Variants in VEZT observed in about 807,000 individuals in gnomAD.
The protein encoded by VEZT is vezatin.
In VEZT, 39 loss-of-function variants were observed where a neutral mutation model predicts 79.9. The ratio of observed to expected loss-of-function variants is 0.49; its 90% confidence interval spans 0.38 to 0.64. The LOEUF (loss-of-function observed/expected upper bound fraction) is 0.64. Among genes scored for constraint, VEZT ranks in the 30% least tolerant of loss-of-function variants. The pLI, the probability that VEZT is intolerant of heterozygous loss-of-function variation, is 0.00. For missense variants in VEZT, 837 were observed against 893.1 expected (o/e 0.94, Z 0.80); for synonymous variants, 325 against 327.6 (o/e 0.99, Z 0.09).
At chr12:95,288,577 A>G (rs2071624390) in intron 9 of VEZT, among the ~76,000 whole-genome samples, 2 of 152,340 alleles carry the variant, frequency 1.3e-5, no homozygotes, top group South Asian at 4.1e-4. Flanking sequence ...CATTGTTGCT[A>G]AAGATAATTA....
intron 7 of VEZT, among the ~76,000 whole-genome samples, chr12:95,278,862 A>G (rs972988789): frequency 6.6e-6 from 1 of 152,194 alleles, no homozygotes; most frequent in African/African-American, 2.4e-5. Context: ...TGAGGTTGGG[A>G]GTTTGCAACC....
At chr12:95,294,401 TTGTTGGATTTC>T in intron 10 of VEZT, 29 bp downstream of exon 10, 3 of 1,515,178 alleles carry the variant, frequency 2.0e-6, no homozygotes, top group Non-Finnish European at 9.0e-7. Context: ...GTTCTTTCCC[TTGTTGGATTTC>T]TGTTTCTAAT....
At chr12:95,277,939 T>C (rs1490846021) in intron 7 of VEZT, among the ~76,000 whole-genome samples, 7 of 152,248 alleles carry the variant, frequency 4.6e-5, no homozygotes, top group Non-Finnish European at 1.0e-4. Context: ...TTCTTTATGC[T>C]GTTGATGTAC....
intron 1 of VEZT, among the ~76,000 whole-genome samples, chr12:95,232,343 A>C (rs1020155303): frequency 5.3e-5 from 8 of 152,240 alleles, no homozygotes; most frequent in Non-Finnish European, 1.2e-4. Context: ...TTTACATGGT[A>C]GTATGTAGAG....
chr12:95,298,865 TTC>T (rs929319972), intron 11 of VEZT: 3 of 152,334 alleles, frequency 2.0e-5, no homozygotes, highest in Non-Finnish European at 4.4e-5. Flanking sequence ...TGTTTAGTGT[TTC>T]TTCATATAGC....
chr12:95,234,569 A>G (rs2059743107), intron 1 of VEZT, among the ~76,000 whole-genome samples: 1 of 152,180 alleles, frequency 6.6e-6, no homozygotes, highest in Admixed American at 6.5e-5. Context: ...TGCTGGGATT[A>G]CAGACATGAG....
In VEZT at chr12:95,274,059, A is replaced by C. The variant is rs1292128180; in HGVS notation, c.849-683A>C. ...GTGTATTTCAGATAACGTTCAACTAATAATGTCCTGCAGTACGCAGACTGA... is the reference window on the plus strand; with the variant it reads ...GTGTATTTCAGATAACGTTCAACTACTAATGTCCTGCAGTACGCAGACTGA... On this transcript the variant is annotated intron_variant, in intron 6 of 11. Transcript: ENST00000436874. 3.3e-5 allele frequency among the ~76,000 whole-genome samples: 5 copies of C among 152,326 alleles called. 1 individual carries two copies. The East Asian group carries it at 9.6e-4, about 29-fold the overall frequency.
intron 2 of VEZT, among the ~76,000 whole-genome samples, chr12:95,253,485 C>T (rs1184342276): frequency 6.6e-6 from 1 of 152,288 alleles, no homozygotes; most frequent in East Asian, 1.9e-4. Context: ...CCCTGTGCCC[C>T]TTTTAAGAGT....
At chr12:95,252,390 C>G (rs922581771) in intron 2 of VEZT, 3 of 177,958 alleles carry the variant, frequency 1.7e-5, no homozygotes, top group African/African-American at 7.0e-5. Context: ...GAATCCTCTA[C>G]TAACTGGATT....
intron 8 of VEZT, among the ~76,000 whole-genome samples, chr12:95,283,868 G>C (rs890358713): frequency 2.0e-5 from 3 of 152,190 alleles, no homozygotes; most frequent in Admixed American, 1.3e-4. Flanking sequence ...AGGGAACTGG[G>C]CGATAAGGCC....
At chr12:95,297,292 C>A (rs1023498507) in intron 11 of VEZT, among the ~76,000 whole-genome samples, 22 of 152,268 alleles carry the variant, frequency 1.4e-4, no homozygotes, top group African/African-American at 4.8e-4. Context: ...GGATTCTCTT[C>A]CATTTTACAG....
chr12:95,259,200 T>C (rs1221780943), intron 3 of VEZT, among the ~76,000 whole-genome samples: 1 of 152,084 alleles, frequency 6.6e-6, no homozygotes, highest in Non-Finnish European at 1.5e-5. Context: ...TGTTTTTTTT[T>C]TCTTGATCCA....
chr12:95,275,582 A>G (rs1257534716), intron 7 of VEZT, among the ~76,000 whole-genome samples: 1 of 152,210 alleles, frequency 6.6e-6, no homozygotes, highest in Non-Finnish European at 1.5e-5. Context: ...CATCTCAAAA[A>G]AAAAAAAAGT....
intron 4 of VEZT, among the ~76,000 whole-genome samples, chr12:95,264,956 T>C (rs2065245947): frequency 6.8e-6 from 1 of 147,290 alleles, no homozygotes; most frequent in Non-Finnish European, 1.5e-5. Context: ...TACTGCAGCC[T>C]GCTCAAGTGA....
At chr12:95,238,151 A>T (rs1385576146) in intron 1 of VEZT, among the ~76,000 whole-genome samples, 3 of 152,194 alleles carry the variant, frequency 2.0e-5, no homozygotes, top group Non-Finnish European at 4.4e-5. Context: ...TCAAAGAGAC[A>T]ATTTTATATT....
intron 8 of VEZT, 118 bp downstream of exon 8, chr12:95,282,762 C>A: frequency 4.2e-6 from 3 of 708,320 alleles, no homozygotes; most frequent in Non-Finnish European, 6.5e-6. Flanking sequence ...GAGGCATGAG[C>A]ATGAAGGGTG....
At chr12:95,268,097 CG>C (rs1259749689) in intron 5 of VEZT, among the ~76,000 whole-genome samples, 2 of 151,930 alleles carry the variant, frequency 1.3e-5, no homozygotes, top group African/African-American at 4.8e-5. Flanking sequence ...TGATTTTTGT[CG>C]TTGCATTAGT....
Position 95,256,556 on chromosome 12 carries a change from G to A in VEZT, c.169-594G>A, listed in dbSNP as rs951912084. On this transcript the variant is annotated intron_variant, in intron 2 of 11. Transcript: ENST00000436874. Reference sequence around the variant, plus strand: ...TTCCCATGACCCTTTGCAGTACCTGGGATATAGTAATCACTCAATGAATAT... The same window carrying A: ...TTCCCATGACCCTTTGCAGTACCTGAGATATAGTAATCACTCAATGAATAT... 3.1e-6 allele frequency: 4 copies of A among 1,287,198 alleles called. No individual in the cohort carries two copies. In the African/African-American group the frequency reaches 4.6e-5, roughly 15 times the overall value. The allele number at this position is 1,287,198 out of a possible 1,614,324, so 79.7% of individuals were successfully genotyped here.
In VEZT at chr12:95,224,304, A is replaced by T. The variant is rs1043785479; in HGVS notation, c.36+6418A>T. 3.1e-5 allele frequency: 13 copies of T among 422,038 alleles called. No individual in the cohort carries two copies. The East Asian group carries it at 5.0e-4, about 16-fold the overall frequency. The allele number at this position is 422,038 out of a possible 1,614,324, so 26.1% of individuals were successfully genotyped here. ...TATTTGTTAGTGATTGCATTCCTGT[A>T]CCTAAAGCCACAACTTTTTTTTTTT... is the stretch of plus-strand genomic sequence containing the variant. On this transcript the variant is annotated intron_variant, in intron 1 of 11. Coordinates refer to ENST00000436874, the MANE Select transcript of VEZT (RefSeq NM_017599.4).
Sources: gnomAD v4.1 joint callset for allele counts (sites outside exome capture counted in the v4.1 genomes callset) on GRCh38, gnomAD v4.1.1 for gene constraint, MANE v1.5 for transcripts, NCBI Gene and HGNC (gene_info 2026-07-23, HGNC 2026-07-21) for gene names.